The following CHI3L1 variants were observed in gnomAD, a reference collection of about 807,000 sequenced individuals.
CHI3L1 encodes chitinase-3-like protein 1.
CHI3L1 carries 30 observed loss-of-function variants against 40.7 expected under a neutral mutation model. The ratio of observed to expected loss-of-function variants is 0.74; its 90% CI spans 0.55 to 1.00. The LOEUF is 1.00. Among genes scored for constraint, CHI3L1 ranks in the 50% least tolerant of loss-of-function variants. The pLI is 0.00. For synonymous variants in CHI3L1, 210 were observed against 192.1 expected (o/e 1.09, Z -0.77); for missense variants, 493 against 492.2 (o/e 1.00, Z -0.01).
chr1:203,179,325 A>C lies in CHI3L1; in HGVS notation c.*120T>G. 3 of 903,136 alleles carry C rather than the reference A, an allele frequency of 3.3e-6. No homozygotes were observed. The South Asian group carries it at 5.4e-5, about 16-fold the overall frequency. The allele number at this position is 903,136 out of a possible 1,614,324, so 55.9% of individuals were successfully genotyped here. A position where few individuals can be genotyped will look rare whatever the true frequency, so the allele number is the denominator to read the frequency against. ...GTTGTGGACCTCTGCATAGGCCCCA[A>C]GGGAGGGAGACTGAGGCTCAGCCTG... On this transcript the variant is annotated 3_prime_UTR_variant, in exon 10 of 10. Transcript: ENST00000255409.
intron 5 of CHI3L1, 70 bp downstream of exon 5, chr1:203,183,571 G>C (rs1021566653): frequency 1.3e-6 from 2 of 1,538,220 alleles, no homozygotes; most frequent in African/African-American, 2.7e-5. Flanking sequence ...AGCAGCTGAC[G>C]CCGGCTTCTA....
Position 203,185,322 on chromosome 1 carries a change from C to T in CHI3L1, c.119G>A (p.Ser40Asn). 6.2e-7 allele frequency: 1 copy of T among 1,614,232 alleles called. No individual in the cohort carries two copies. Among genetic ancestry groups the T allele is most frequent in the Non-Finnish European group, 8.5e-7 (1 of 1,180,030 alleles). ...SWSQYREGDGSCFPDALDRFL... is the reference protein window; with the variant it reads ...SWSQYREGDGNCFPDALDRFL... ...GCGGTCAAGGGCATCTGGGAAGCAG[C>T]TCCCATCGCCTTCCCGGTACTGGGA... The change falls in exon 3 of 10, where the codon AGC becomes AAC. Residue 40 changes from serine (S) to asparagine (N), a missense_variant. Ser to Asn is a conservative substitution (Grantham distance 46, BLOSUM62 1). Transcript: ENST00000255409.
Position 203,184,634 on chromosome 1 carries a change from T to C in CHI3L1, c.258-2A>G, listed in dbSNP as rs1558149231. On this transcript the variant is annotated splice_acceptor_variant, in intron 3 of 9. Coordinates refer to ENST00000255409, the MANE Select transcript of CHI3L1 (RefSeq NM_001276.4). LOFTEE classifies it high-confidence loss of function. ...AAGAGAGTCTTCAGGTTGGGGTTCC[T>C]GTGGAGCACAGGGAGGTGGGGAGGG... The C allele has an allele frequency of 1.2e-6, 2 of 1,613,832 alleles. No homozygotes were observed. The highest frequency in any genetic ancestry group is 1.7e-6 in the Non-Finnish European group (2 of 1,179,740).
At chr1:203,179,651 T>A in intron 9 of CHI3L1, 66 bp from the exon 10 acceptor site, 2 of 1,613,922 alleles carry the variant, frequency 1.2e-6, no homozygotes, top group Non-Finnish European at 1.7e-6. Flanking sequence ...AGGGCACATG[T>A]GCTCTGTGAG....
In CHI3L1 at chr1:203,184,644, AG is replaced by A; in HGVS notation, c.258-13del. On this transcript the variant is annotated splice_polypyrimidine_tract_variant and intron_variant, in intron 3 of 9. Transcript: ENST00000255409. ...TCAGGTTGGGGTTCCTGTGGAGCAC[AG>A]GGAGGTGGGGAGGGCAGGAGTGGAA... 1 of 1,613,098 alleles carries A rather than the reference AG, an allele frequency of 6.2e-7. No individual in the cohort carries two copies.
At position 203,179,593 on chromosome 1, in the gene CHI3L1, G is replaced by C; in HGVS notation, c.1012-8C>G. 6.2e-7 allele frequency: 1 copy of C among 1,612,038 alleles called. No individual in the cohort carries two copies. Among genetic ancestry groups the C allele is most frequent in the Non-Finnish European group, 8.5e-7 (1 of 1,178,378 alleles). On this transcript the variant is annotated splice_polypyrimidine_tract_variant and splice_region_variant and intron_variant, in intron 9 of 9. Transcript: ENST00000255409. ...GTCCTTCAGGTACTGCACCTGGCAG[G>C]GGAGGCCCAGAGGAGCAGGGCTGGG... is the stretch of plus-strand genomic sequence containing the variant.
In CHI3L1 at chr1:203,180,621, C is replaced by T; in HGVS notation, c.743G>A (p.Gly248Glu). The change falls in exon 8 of 10, where the codon GGG becomes GAG. Residue 248 changes from glycine (G) to glutamate (E), a missense_variant. Coordinates refer to ENST00000255409, the MANE Select transcript of CHI3L1 (RefSeq NM_001276.4). ...CATCACCAGCTTACTGGCAGGAGCC[C>T]CCAGCCTCAACATGTACCCCACAGC... ...DYAVGYMLRLGAPASKLVMGI... is the reference protein window; with the variant it reads ...DYAVGYMLRLEAPASKLVMGI... 2 of 1,612,486 alleles carry T rather than the reference C, an allele frequency of 1.2e-6. No homozygotes were observed. Among genetic ancestry groups the T allele is most frequent in the Non-Finnish European group, 1.7e-6 (2 of 1,179,422 alleles).
chr1:203,186,474 G>T, intron 1 of CHI3L1, 125 bp downstream of exon 1: 1 of 1,457,200 alleles, frequency 6.9e-7, no homozygotes, highest in Non-Finnish European at 9.5e-7. Context: ...CCCTCCCCTG[G>T]CTCTGCTTCT....
intron 2 of CHI3L1, among the ~76,000 whole-genome samples, chr1:203,185,832 A>G (rs1380879606): frequency 6.6e-6 from 1 of 151,880 alleles, no homozygotes; most frequent in Non-Finnish European, 1.5e-5. Flanking sequence ...TCCATGAGGG[A>G]CTCTGGCCCA....
At chr1:203,180,693 A>G (rs752212589) in intron 7 of CHI3L1, 41 bp from the exon 8 acceptor site, 2 of 1,499,326 alleles carry the variant, frequency 1.3e-6, no homozygotes, top group Admixed American at 4.2e-5. Flanking sequence ...CAGTTAGTGC[A>G]CAGGTGCGGA....
intron 7 of CHI3L1, 102 bp from the exon 8 acceptor site, chr1:203,180,754 G>A: frequency 9.8e-6 from 8 of 814,556 alleles, no homozygotes; most frequent in Non-Finnish European, 1.5e-5. Context: ...GGTGTATGGT[G>A]CACTGGGGAT....
intron 8 of CHI3L1, chr1:203,180,090 C>G: frequency 1.7e-6 from 1 of 592,902 alleles, no homozygotes; most frequent in African/African-American, 1.9e-5. Flanking sequence ...TGCTTAGCTT[C>G]TTCCATTTAA....
rs1050918005 is a variant in CHI3L1 at position 203,185,243 on chromosome 1, G to A, written c.198C>T (p.Ile66=). ...TCACATCATTCCACTCCCAGGTGTCGATGTGATCGTTGCTTATATTGGCAA... is the reference window on the plus strand; with the variant it reads ...TCACATCATTCCACTCCCAGGTGTCAATGTGATCGTTGCTTATATTGGCAA... ...YSFANISNDH[I]DTWEWNDVTL... Residue 66 remains isoleucine (I), a synonymous_variant, in exon 3 of 10, where the codon ATC becomes ATT. Coordinates refer to ENST00000255409, the MANE Select transcript of CHI3L1 (RefSeq NM_001276.4). The A allele has an allele frequency of 7.4e-6, 12 of 1,614,078 alleles. No individual in the cohort carries two copies. Among genetic ancestry groups the A allele is most frequent in the Admixed American group, 6.7e-5 (4 of 60,012 alleles).
rs372170408 is a variant in CHI3L1 at position 203,179,866 on chromosome 1, G to C, written c.906C>G (p.Phe302Leu). The C allele has an allele frequency of 9.9e-6, 16 of 1,614,108 alleles. No individual in the cohort carries two copies. Among genetic ancestry groups the C allele is most frequent in the South Asian group, 9.9e-5 (9 of 91,084 alleles). Residue 302 changes from phenylalanine (F) to leucine (L), a missense_variant, in exon 9 of 10, where the codon TTC (phenylalanine) becomes TTG (leucine). Phe to Leu is a conservative substitution (Grantham distance 22). Transcript: ENST00000255409. ...GTLAYYEICD[F>L]LRGATVHRIL... Reference sequence around the variant, plus strand: ...TTCTATGGACTGTGGCTCCGCGGAGGAAGTCACAGATCTGAGCAGATAACA... The same window carrying C: ...TTCTATGGACTGTGGCTCCGCGGAGCAAGTCACAGATCTGAGCAGATAACA...
At chr1:203,181,083 A>C in intron 7 of CHI3L1, 79 bp downstream of exon 7, 30 of 1,555,888 alleles carry the variant, frequency 1.9e-5, no homozygotes, top group South Asian at 2.4e-5. Context: ...ACTGAGGGCT[A>C]GAGAGATTGG....
intron 7 of CHI3L1, 83 bp downstream of exon 7, chr1:203,181,079 G>C: frequency 6.4e-7 from 1 of 1,555,748 alleles, no homozygotes; most frequent in East Asian, 2.3e-5. Context: ...CTGTACTGAG[G>C]GCTAGAGAGA....
chr1:203,184,041 T>C lies in CHI3L1; in HGVS notation c.315-250A>G, dbSNP rs116597602. Among the ~76,000 whole-genome samples the C allele has an allele frequency of 2.9e-3, 445 of 152,338 alleles. 1 individual carries two copies. The highest frequency in any genetic ancestry group is 9.9e-3 in the African/African-American group (413 of 41,564). On this transcript the variant is annotated intron_variant, in intron 4 of 9. Coordinates refer to ENST00000255409, the MANE Select transcript of CHI3L1 (RefSeq NM_001276.4). ...GGTTATAACCTGAGTCTCAGTTTCA[T>C]CATCTGTAAAATGGGGACAAATATA...
At chr1:203,183,491 T>A (rs1418991880) in intron 5 of CHI3L1, 150 bp downstream of exon 5, 2 of 748,358 alleles carry the variant, frequency 2.7e-6, no homozygotes, top group South Asian at 1.8e-5. Flanking sequence ...CTATGTGAGA[T>A]CTTCAGGGCA....
intron 8 of CHI3L1, chr1:203,180,211 G>A: frequency 1.8e-6 from 1 of 564,676 alleles, no homozygotes; most frequent in African/African-American, 1.9e-5. Flanking sequence ...GCTCTTTCCT[G>A]GGCTGGAAGG....
Sources: gnomAD v4.1 joint callset for allele counts (sites outside exome capture counted in the v4.1 genomes callset) on GRCh38, gnomAD v4.1.1 for gene constraint, MANE v1.5 for transcripts, NCBI Gene and HGNC (gene_info 2026-07-23, HGNC 2026-07-21) for gene names.